PXDNL: variants seen among roughly 807,000 people sequenced by gnomAD.
The protein encoded by PXDNL is peroxidasin like, also known as probable oxidoreductase PXDNL.
In PXDNL, 145 loss-of-function variants were observed where a neutral mutation model predicts 150.8. The ratio of observed to expected loss-of-function variants is 0.96; its 90% confidence interval spans 0.84 to 1.10. The LOEUF is 1.10. Ranked by LOEUF, PXDNL falls within the 50% of genes least tolerant of loss-of-function variation. The pLI is 0.00. For synonymous variants in PXDNL, 757 were observed against 725.7 expected (o/e 1.04, Z -0.69); for missense variants, 2,087 against 1,873.9 (o/e 1.11, Z -2.10).
At chr8:51,733,819 AT>A in intron 1 of PXDNL, among the ~76,000 whole-genome samples, 2 of 141,314 alleles carry the variant, frequency 1.4e-5, no homozygotes, top group South Asian at 2.2e-4. Context: ...AATAATATAT[AT>A]ATATATATAT....
chr8:51,593,692 T>G (rs1813497928), intron 2 of PXDNL, among the ~76,000 whole-genome samples: 1 of 152,196 alleles, frequency 6.6e-6, no homozygotes, highest in South Asian at 2.1e-4. Context: ...ACTGATTCAC[T>G]GTAGGCCTCA....
At chr8:51,547,066 C>T (rs1197564270) in intron 4 of PXDNL, among the ~76,000 whole-genome samples, 1 of 152,262 alleles carries the variant, frequency 6.6e-6, no homozygotes, top group Non-Finnish European at 1.5e-5. Flanking sequence ...TCTACCTGCC[C>T]TTATAGCCAA....
chr8:51,376,999 G>A lies in PXDNL; in HGVS notation c.3558-2268C>T, dbSNP rs376996958. The stretch of plus-strand genomic sequence containing the variant: ...TCCCAAAGTGCTGGGTTACAGGCGT[G>A]AGCCACCGCGCCCAGCCTTGTTTCT... On this transcript the variant is annotated intron_variant, in intron 17 of 22. Coordinates refer to ENST00000356297, the MANE Select transcript of PXDNL (RefSeq NM_144651.5). Among the ~76,000 whole-genome samples, 45 of 152,092 alleles carry A rather than the reference G, an allele frequency of 3.0e-4. No homozygotes were observed. The East Asian group carries it at 8.6e-3, about 29-fold the overall frequency.
chr8:51,779,674 T>C (rs1437498576), intron 1 of PXDNL, among the ~76,000 whole-genome samples: 1 of 152,242 alleles, frequency 6.6e-6, no homozygotes, highest in Non-Finnish European at 1.5e-5. Flanking sequence ...TTCTATCTCA[T>C]GGATTCCGCT....
At chr8:51,390,267 A>C (rs1016518597) in intron 17 of PXDNL, among the ~76,000 whole-genome samples, 7 of 152,200 alleles carry the variant, frequency 4.6e-5, no homozygotes, top group African/African-American at 1.7e-4. Flanking sequence ...TTAGGCTCAT[A>C]AGTATTTGCA....
At chr8:51,565,139 G>A (rs1812790717) in intron 3 of PXDNL, among the ~76,000 whole-genome samples, 1 of 151,654 alleles carries the variant, frequency 6.6e-6, no homozygotes, top group Non-Finnish European at 1.5e-5. Context: ...TTTTAAGTGC[G>A]GACATGATGC....
intron 5 of PXDNL, among the ~76,000 whole-genome samples, chr8:51,484,723 G>C (rs903248308): frequency 1.3e-5 from 2 of 152,134 alleles, no homozygotes; most frequent in Non-Finnish European, 2.9e-5. Context: ...GAAGATCCAG[G>C]CCTCAGTACC....
intron 8 of PXDNL, among the ~76,000 whole-genome samples, chr8:51,463,473 G>A (rs1267196184): frequency 1.3e-5 from 2 of 152,106 alleles, no homozygotes. Flanking sequence ...GTAGGAGGTT[G>A]CTATTCTTAC....
Position 51,408,152 on chromosome 8 carries a change from C to T in PXDNL, c.3472G>A (p.Val1158Ile), listed in dbSNP as rs1459305816. ...HGIPPYVDFR[V>I]FCNLTSVKNF... Reference sequence around the variant, plus strand: ...TTAACTGAAGTCAAATTACAGAAAACTCTGAAGTCAACATATGGTGGGATC... The same window carrying T: ...TTAACTGAAGTCAAATTACAGAAAATTCTGAAGTCAACATATGGTGGGATC... The change falls in exon 17 of 23, where the codon GTT (valine) becomes ATT (isoleucine). Residue 1158 changes from valine (V) to isoleucine (I), a missense_variant. By Grantham distance (29) the Val-to-Ile change is conservative. Coordinates refer to ENST00000356297, the MANE Select transcript of PXDNL (RefSeq NM_144651.5). The T allele has an allele frequency of 3.7e-6, 6 of 1,613,788 alleles. No individual in the cohort carries two copies. The African/African-American group carries it at 6.7e-5, about 18-fold the overall frequency.
intron 8 of PXDNL, among the ~76,000 whole-genome samples, chr8:51,465,252 T>C (rs1415781178): frequency 6.6e-6 from 1 of 152,126 alleles, no homozygotes; most frequent in Non-Finnish European, 1.5e-5. Context: ...TTTCAACATA[T>C]GCAAATCAAT....
chr8:51,594,728 C>T (rs1258054276), intron 2 of PXDNL, among the ~76,000 whole-genome samples: 1 of 152,088 alleles, frequency 6.6e-6, no homozygotes, highest in Non-Finnish European at 1.5e-5. Flanking sequence ...TTATTCAAAG[C>T]ATTATGGTTT....
chr8:51,494,882 G>T (rs1016078893), intron 5 of PXDNL, among the ~76,000 whole-genome samples: 4 of 151,872 alleles, frequency 2.6e-5, no homozygotes, highest in Non-Finnish European at 5.9e-5. Flanking sequence ...GAGACAGAAA[G>T]TTAACAAGGA....
chr8:51,758,129 T>A (rs1275784820), intron 1 of PXDNL, among the ~76,000 whole-genome samples: 1 of 152,208 alleles, frequency 6.6e-6, no homozygotes, highest in Non-Finnish European at 1.5e-5. Context: ...CTTATGAAGA[T>A]TTAATTACAT....
intron 14 of PXDNL, 113 bp downstream of exon 14, chr8:51,423,462 C>T: frequency 2.7e-6 from 2 of 729,484 alleles, no homozygotes; most frequent in Non-Finnish European, 4.0e-6. Context: ...ACACACTTGA[C>T]CAGAAAGAAA....
Position 51,408,831 on chromosome 8 carries a change from C to T in PXDNL, c.2793G>A (p.Lys931=). 6.4e-7 allele frequency: 1 copy of T among 1,572,964 alleles called. No individual in the cohort carries two copies. Among genetic ancestry groups the T allele is most frequent in the African/African-American group, 1.4e-5 (1 of 73,772 alleles). ...KTGFPWPPSG[K]PLLPFSTGPP... is the part of the protein sequence containing the mutation. ...GGCCTGTAGAAAAGGGCAATAAGGG[C>T]TTTCCGGAGGGAGGCCAAGGAAAGC... Residue 931 remains lysine (K), a synonymous_variant, in exon 17 of 23, where the codon AAG becomes AAA. Coordinates refer to ENST00000356297, the MANE Select transcript of PXDNL (RefSeq NM_144651.5).
intron 21 of PXDNL, among the ~76,000 whole-genome samples, chr8:51,326,516 A>G (rs911871739): frequency 6.6e-6 from 1 of 152,190 alleles, no homozygotes; most frequent in African/African-American, 2.4e-5. Context: ...AAAATAAAAG[A>G]AAAATAAGCA....
At chr8:51,445,895 T>C (rs534760064) in intron 12 of PXDNL, among the ~76,000 whole-genome samples, 13 of 152,220 alleles carry the variant, frequency 8.5e-5, no homozygotes, top group African/African-American at 2.6e-4. Context: ...CTTTCCACAA[T>C]TGTATTTTCA....
intron 3 of PXDNL, among the ~76,000 whole-genome samples, chr8:51,579,375 T>C (rs1813156441): frequency 6.6e-6 from 1 of 151,968 alleles, no homozygotes; most frequent in South Asian, 2.1e-4. Flanking sequence ...ATCAGAGAAG[T>C]ATAAACTAGA....
At chr8:51,608,836 C>CAAAAAA (rs59195880) in intron 2 of PXDNL, among the ~76,000 whole-genome samples, 3,204 of 59,250 alleles carry the variant, frequency 0.054, 206 homozygotes, top group Non-Finnish European at 0.069. Flanking sequence ...GACTCTGTCT[C>CAAAAAA]AAAAAAAAAA....
Sources: gnomAD v4.1 joint callset for allele counts (sites outside exome capture counted in the v4.1 genomes callset) on GRCh38, gnomAD v4.1.1 for gene constraint, MANE v1.5 for transcripts, NCBI Gene and HGNC (gene_info 2026-07-23, HGNC 2026-07-21) for gene names.